Variants in MAPK10 observed in about 807,000 individuals in gnomAD.
MAPK10 encodes JNK3 alpha protein kinase.
MAPK10 carries 25 observed loss-of-function variants against 59.3 expected under a neutral mutation model. The observed-to-expected ratio is 0.42, with a 90% CI of 0.31 to 0.59. The LOEUF (loss-of-function observed/expected upper bound fraction) is 0.59, where lower values mean the gene tolerates loss of function less well. MAPK10 is among the 20% of genes least tolerant of loss of function. The probability of loss-of-function intolerance (pLI) is 0.15; values close to 1 mark genes in which losing one functional copy is unlikely to be tolerated. For synonymous variants in MAPK10, 190 were observed against 200.5 expected, an observed-to-expected ratio of 0.95 and a Z score of 0.44; for missense variants, 351 against 568.9, an observed-to-expected ratio of 0.62 and a Z score of 3.90.
At chr4:86,286,501 T>C (rs902217408) in intron 2 of MAPK10, among the ~76,000 whole-genome samples, 14 of 152,348 alleles carry the variant, frequency 9.2e-5, no homozygotes, top group African/African-American at 3.1e-4. Flanking sequence ...TATTAACTCA[T>C]TTAATCTCAT....
chr4:86,591,416 C>T (rs1414176795), intron 1 of MAPK10, among the ~76,000 whole-genome samples: 1 of 152,004 alleles, frequency 6.6e-6, no homozygotes, highest in Non-Finnish European at 1.5e-5. Flanking sequence ...CTCTGTTGCC[C>T]AGGCTGTAGT....
At chr4:86,451,740 G>A (rs910830452) in intron 1 of MAPK10, among the ~76,000 whole-genome samples, 5 of 152,286 alleles carry the variant, frequency 3.3e-5, no homozygotes, top group Middle Eastern at 3.4e-3. Context: ...GGGAGGTGGA[G>A]TATTTACATT....
intron 2 of MAPK10, among the ~76,000 whole-genome samples, chr4:86,325,591 G>T (rs1202839872): frequency 6.6e-6 from 1 of 152,118 alleles, no homozygotes; most frequent in Non-Finnish European, 1.5e-5. Flanking sequence ...AGAATTAATA[G>T]ATTTCAAAAA....
rs571487124 is a variant in MAPK10, at chr4:86,179,456, C to T, written c.66+14880G>A. On this transcript the variant is annotated intron_variant, in intron 3 of 13. Transcript: ENST00000641462. ...AAAGCAACCTACACATTCAATGTAA[C>T]GCCTACCAAAATACCAACGACATTC... is the stretch of plus-strand genomic sequence containing the variant. 2.4e-4 allele frequency among the ~76,000 whole-genome samples: 37 copies of T among 152,012 alleles called. 1 individual carries two copies. The highest frequency in any genetic ancestry group is 8.5e-4 in the Admixed American group (13 of 15,238).
intron 1 of MAPK10, among the ~76,000 whole-genome samples, chr4:86,422,080 C>T (rs566579264): frequency 2.0e-4 from 31 of 152,300 alleles, no homozygotes; most frequent in Non-Finnish European, 3.8e-4. Context: ...TTATCTATGG[C>T]ATTACCTGTC....
intron 1 of MAPK10, among the ~76,000 whole-genome samples, chr4:86,473,804 G>A (rs1433292853): frequency 6.6e-6 from 1 of 152,176 alleles, no homozygotes; most frequent in African/African-American, 2.4e-5. Flanking sequence ...AGAAAGGAAA[G>A]TTCCCAGAGA....
chr4:86,063,213 A>C (rs2046064342), intron 11 of MAPK10, among the ~76,000 whole-genome samples: 1 of 152,224 alleles, frequency 6.6e-6, no homozygotes, highest in Non-Finnish European at 1.5e-5. Context: ...TCTCTAGTGA[A>C]GAATGAAGAA....
intron 9 of MAPK10, chr4:86,089,484 T>A (rs2052639487): frequency 2.0e-6 from 1 of 488,484 alleles, no homozygotes; most frequent in East Asian, 3.1e-5. Flanking sequence ...ATAACAGAAA[T>A]AACAACACTA....
In MAPK10 at chr4:86,529,306, G is replaced by T. The variant is rs575207559; in HGVS notation, c.-263+64604C>A. On this transcript the variant is annotated intron_variant, in intron 1 of 4. Coordinates refer to the MAPK10 transcript ENST00000502302. Reference sequence around the variant, plus strand: ...TGCCCCCCACACTGCATCAATCCTGGGACATTTGTGGTTTCCAATCTCATA... The same window carrying T: ...TGCCCCCCACACTGCATCAATCCTGTGACATTTGTGGTTTCCAATCTCATA... 2.0e-5 allele frequency among the ~76,000 whole-genome samples: 3 copies of T among 152,034 alleles called. No individual in the cohort carries two copies. In the South Asian group the frequency reaches 6.2e-4, roughly 32 times the overall value.
At chr4:86,581,921 ATATATATATATATATAT>A (rs1281933739) in intron 1 of MAPK10, among the ~76,000 whole-genome samples, 1 of 124,542 alleles carries the variant, frequency 8.0e-6, no homozygotes, top group Non-Finnish European at 1.8e-5. Context: ...ATATATATAT[ATATATATATATATATAT>A]ATATATATAT....
At chr4:86,259,420 GATTTAT>G (rs2093892887) in intron 2 of MAPK10, among the ~76,000 whole-genome samples, 1 of 151,888 alleles carries the variant, frequency 6.6e-6, no homozygotes, top group African/African-American at 2.4e-5. Flanking sequence ...TTGTAACCTA[GATTTAT>G]ATTTATATGT....
chr4:86,095,072 TAAG>T (rs920255683), intron 9 of MAPK10: 3 of 151,774 alleles, frequency 2.0e-5, no homozygotes, highest in African/African-American at 7.2e-5. Context: ...AAATAAGTAT[TAAG>T]AAGTGATCCT....
chr4:86,285,068 T>C (rs2148808472), intron 2 of MAPK10, among the ~76,000 whole-genome samples: 1 of 152,306 alleles, frequency 6.6e-6, no homozygotes, highest in Middle Eastern at 3.4e-3. Context: ...TTTGTTCCTG[T>C]TGTGGCTTTT....
intron 11 of MAPK10, among the ~76,000 whole-genome samples, chr4:86,053,507 C>T (rs1015043573): frequency 2.6e-5 from 4 of 152,098 alleles, no homozygotes; most frequent in Non-Finnish European, 5.9e-5. Context: ...TATCTCGAGG[C>T]AAAGCTGTCT....
chr4:86,265,391 C>G (rs1441945377), intron 2 of MAPK10, among the ~76,000 whole-genome samples: 4 of 151,770 alleles, frequency 2.6e-5, no homozygotes, highest in Non-Finnish European at 4.4e-5. Context: ...CACCTGCAAT[C>G]CCAGCTACTC....
intron 1 of MAPK10, among the ~76,000 whole-genome samples, chr4:86,568,126 A>G (rs1761195799): frequency 6.6e-6 from 1 of 152,224 alleles, no homozygotes. Flanking sequence ...ACATATAAAA[A>G]TCAGTAGCAT....
At chr4:86,427,705 A>G (rs1339532860) in intron 1 of MAPK10, among the ~76,000 whole-genome samples, 1 of 152,232 alleles carries the variant, frequency 6.6e-6, no homozygotes, top group East Asian at 1.9e-4. Flanking sequence ...ACTAACTTCT[A>G]TAAACAAATT....
intron 8 of MAPK10, chr4:86,100,423 A>G (rs1005845770): frequency 6.6e-6 from 1 of 152,152 alleles, no homozygotes; most frequent in Non-Finnish European, 1.5e-5. Flanking sequence ...TCTTTATGAA[A>G]GCAGTAGTGT....
intron 9 of MAPK10, among the ~76,000 whole-genome samples, chr4:86,093,427 AT>A (rs879686770): frequency 1.3e-5 from 2 of 151,986 alleles, no homozygotes; most frequent in Non-Finnish European, 2.9e-5. Flanking sequence ...ATTATTTGTT[AT>A]AATTTTTATA....
Sources: allele counts gnomAD v4.1 joint callset (sites outside exome capture counted in the v4.1 genomes callset), GRCh38; gene constraint gnomAD v4.1.1; transcripts MANE v1.5; gene names NCBI Gene and HGNC (gene_info 2026-07-23, HGNC 2026-07-21).